URGCP: variants seen among roughly 807,000 people sequenced by gnomAD.
URGCP encodes the protein upregulator of cell proliferation, also known as up-regulator of cell proliferation.
In URGCP, 13 loss-of-function variants were observed where a neutral mutation model predicts 24.6. That is an observed-to-expected ratio of 0.53 (90% CI 0.34 to 0.84). The LOEUF (loss-of-function observed/expected upper bound fraction) is 0.84. Among genes scored for constraint, URGCP ranks in the 40% least tolerant of loss-of-function variants. The pLI, the probability that URGCP is intolerant of heterozygous loss-of-function variation, is 0.01. For synonymous variants in URGCP, 444 were observed against 487.2 expected (o/e 0.91, Z 1.17); for missense variants, 899 against 1,194.3 (o/e 0.75, Z 3.64).
intron 1 of URGCP, among the ~76,000 whole-genome samples, chr7:43,901,364 GAA>G: frequency 2.0e-5 from 3 of 152,296 alleles, no homozygotes; most frequent in Admixed American, 2.0e-4. Context: ...GCAGGTGAGT[GAA>G]GTTTGGAGAG....
chr7:43,920,138 G>C, intron 1 of URGCP: 2 of 710,720 alleles, frequency 2.8e-6, no homozygotes, highest in Non-Finnish European at 4.8e-6. Context: ...TTAGAGCACA[G>C]ATCAGGGACC....
At chr7:43,880,086 G>A (rs1285268974) in intron 5 of URGCP, among the ~76,000 whole-genome samples, 1 of 152,058 alleles carries the variant, frequency 6.6e-6, no homozygotes, top group Non-Finnish European at 1.5e-5. Context: ...ACCACACCCA[G>A]CTCATCCTTG....
chr7:43,905,728 T>C (rs141581447), intron 1 of URGCP: 1 of 152,310 alleles, frequency 6.6e-6, no homozygotes, highest in East Asian at 1.9e-4. Context: ...ACTAAAGCGA[T>C]GACCTTGAGC....
At chr7:43,901,767 C>A (rs558912997) in intron 1 of URGCP, among the ~76,000 whole-genome samples, 1 of 152,288 alleles carries the variant, frequency 6.6e-6, no homozygotes, top group East Asian at 1.9e-4. Flanking sequence ...GGCCGGGCCT[C>A]CAGTGGGAAA....
intron 3 of URGCP, among the ~76,000 whole-genome samples, chr7:43,883,311 TATATATATAA>T (rs1455558530): frequency 1.4e-5 from 2 of 144,236 alleles, no homozygotes; most frequent in African/African-American, 5.1e-5. Flanking sequence ...TTCCAAAATT[TATATATATAA>T]ATATATATAT....
At chr7:43,904,719 T>C (rs969009987) in intron 1 of URGCP, among the ~76,000 whole-genome samples, 6 of 152,190 alleles carry the variant, frequency 3.9e-5, no homozygotes, top group African/African-American at 9.6e-5. Context: ...TTCTGAGAAA[T>C]GTGTCATTTG....
intron 1 of URGCP, among the ~76,000 whole-genome samples, chr7:43,912,011 G>GA (rs951927062): frequency 6.6e-6 from 1 of 151,582 alleles, no homozygotes; most frequent in African/African-American, 2.4e-5. Flanking sequence ...AAAATACCTT[G>GA]AAAAAAAATA....
At chr7:43,918,936 C>A in intron 1 of URGCP, 2 of 1,385,816 alleles carry the variant, frequency 1.4e-6, no homozygotes, top group Non-Finnish European at 2.1e-6. Context: ...CCTCAACTCC[C>A]CCTGTGCCAA....
chr7:43,881,071 G>A (rs1422586112), intron 5 of URGCP: 5 of 652,260 alleles, frequency 7.7e-6, no homozygotes, highest in Non-Finnish European at 1.4e-5. Context: ...GAGTCACATT[G>A]TGCCAAAACA....
At chr7:43,904,005 C>G (rs1026079678) in intron 1 of URGCP, among the ~76,000 whole-genome samples, 22 of 152,220 alleles carry the variant, frequency 1.4e-4, no homozygotes, top group African/African-American at 5.3e-4. Context: ...TGAGTGAGGC[C>G]TGTTCGAAAG....
At chr7:43,918,151 G>A (rs1185772609) in intron 1 of URGCP, among the ~76,000 whole-genome samples, 1 of 150,376 alleles carries the variant, frequency 6.6e-6, no homozygotes, top group African/African-American at 2.4e-5. Context: ...GTGGGTGCCT[G>A]TAATCCCAGC....
rs1271930517 is a variant in URGCP at position 43,878,179 on chromosome 7, C to T, written c.1284G>A (p.Val428=). The T allele has an allele frequency of 6.2e-7, 1 of 1,614,258 alleles. No homozygotes were observed. Among genetic ancestry groups the T allele is most frequent in the East Asian group, 2.2e-5 (1 of 44,884 alleles). ...KVSSTDSDSF[V]KRIRAIVGNV... ...TCCCAACGATGGCCCGGATCCTCTT[C>T]ACGAAGCTGTCGCTGTCAGTGCTGC... is the stretch of plus-strand genomic sequence containing the variant. The change falls in exon 6 of 6, where the codon GTG becomes GTA. Residue 428 remains valine, a synonymous_variant. Coordinates refer to ENST00000453200, the MANE Select transcript of URGCP (RefSeq NM_001077663.3). This position sits in a 1 kb window ranked among gnomAD's most constrained non-coding sequence, Gnocchi z 5.6.
At chr7:43,922,984 T>C (rs771694844) in intron 1 of URGCP, among the ~76,000 whole-genome samples, 1 of 151,798 alleles carries the variant, frequency 6.6e-6, no homozygotes, top group Non-Finnish European at 1.5e-5. Flanking sequence ...TCTCTCTTAC[T>C]TTCTTTCTTT....
intron 1 of URGCP, chr7:43,919,446 G>A (rs2132730629): frequency 1.1e-6 from 1 of 943,802 alleles, no homozygotes; most frequent in Non-Finnish European, 1.8e-6. Context: ...CAGCTACATG[G>A]ACAATGACCT....
chr7:43,901,129 T>C (rs1192034739), intron 1 of URGCP, among the ~76,000 whole-genome samples: 3 of 152,214 alleles, frequency 2.0e-5, no homozygotes, highest in Non-Finnish European at 4.4e-5. Flanking sequence ...TAACTTAATA[T>C]ACGCAACAGC....
At chr7:43,889,639 T>A (rs2095867364) in intron 1 of URGCP, 2 of 152,346 alleles carry the variant, frequency 1.3e-5, no homozygotes, top group South Asian at 4.1e-4. Context: ...AATTATACCC[T>A]ATGTTAATCT....
chr7:43,891,765 C>G (rs942581583), intron 1 of URGCP, among the ~76,000 whole-genome samples: 1 of 152,114 alleles, frequency 6.6e-6, no homozygotes, highest in Non-Finnish European at 1.5e-5. Context: ...ACAGCATGCG[C>G]TACCACACCT....
intron 1 of URGCP, among the ~76,000 whole-genome samples, chr7:43,914,280 T>G (rs1213471450): frequency 1.3e-5 from 2 of 152,066 alleles, no homozygotes; most frequent in Non-Finnish European, 2.9e-5. Context: ...GTGGGGTGGA[T>G]TGCTTGAGCC....
upstream of URGCP, chr7:43,906,630 C>G (rs1315047688): frequency 7.7e-6 from 9 of 1,171,300 alleles, no homozygotes; most frequent in African/African-American, 1.5e-4. Flanking sequence ...GCGGCCGCGG[C>G]TCGGCGCCGG....
Sources: gnomAD v4.1 joint callset for allele counts (sites outside exome capture counted in the v4.1 genomes callset) on GRCh38, gnomAD v4.1.1 for gene constraint, Gnocchi (gnomAD v3.1) non-coding constraint, MANE v1.5 for transcripts, NCBI Gene and HGNC (gene_info 2026-07-23, HGNC 2026-07-21) for gene names.